The following ATP11B variants were observed in gnomAD, a reference collection of about 807,000 sequenced individuals.
ATP11B encodes the protein phospholipid-transporting ATPase IF.
In ATP11B, 81 loss-of-function variants were observed where a neutral mutation model predicts 157.8. That is an observed-to-expected ratio of 0.51 (90% confidence interval 0.43 to 0.62). The LOEUF (loss-of-function observed/expected upper bound fraction) is 0.62, where lower values mean the gene tolerates loss of function less well. Ranked by LOEUF, ATP11B falls within the 20% of genes least tolerant of loss-of-function variation. ATP11B has a pLI of 0.00. For synonymous variants in ATP11B, 451 were observed against 469.4 expected (o/e 0.96, Z 0.51); for missense variants, 1,165 against 1,402.2 (o/e 0.83, Z 2.70).
intron 1 of ATP11B, among the ~76,000 whole-genome samples, chr3:182,802,141 C>T (rs1397670417): frequency 1.3e-5 from 2 of 152,134 alleles, no homozygotes; most frequent in East Asian, 3.9e-4. Flanking sequence ...AATCGTATCT[C>T]CCTTTTTGTT....
At chr3:182,830,001 A>G (rs1718007876) in intron 4 of ATP11B, 8 of 946,260 alleles carry the variant, frequency 8.5e-6, no homozygotes, top group African/African-American at 5.3e-5. Flanking sequence ...ATCCAAAAAC[A>G]AGTATTGTAT....
Position 182,819,324 on chromosome 3 carries a change from G to T in ATP11B, c.28-936G>T, listed in dbSNP as rs1217569035. Among the ~76,000 whole-genome samples the T allele has an allele frequency of 2.6e-5, 4 of 152,112 alleles. No homozygotes were observed. The East Asian group carries it at 7.7e-4, about 29-fold the overall frequency. The stretch of plus-strand genomic sequence containing the variant: ...CTGAGCTCGTGATCCGCCCGCCTCA[G>T]CCTCCCAAAGTGCTAGGATTACAGG... On this transcript the variant is annotated intron_variant, in intron 1 of 29. Transcript: ENST00000323116.
chr3:182,826,724 A>T (rs1008060480), intron 2 of ATP11B, among the ~76,000 whole-genome samples: 1 of 152,188 alleles, frequency 6.6e-6, no homozygotes, highest in East Asian at 1.9e-4. Context: ...GTTTGTTGCT[A>T]TTGGACTAGT....
At position 182,873,881 on chromosome 3, in the gene ATP11B, T is replaced by G. The variant is rs1423725014; in HGVS notation, c.2118T>G (p.Thr706=). The G allele has an allele frequency of 6.2e-7, 1 of 1,614,148 alleles. No homozygotes were observed. Among genetic ancestry groups the G allele is most frequent in the Admixed American group, 1.7e-5 (1 of 60,026 alleles). ...RMAGIKVWVL[T]GDKHETAVSV... The stretch of plus-strand genomic sequence containing the variant: ...CTGGTATCAAAGTATGGGTACTTAC[T>G]GGGGATAAACATGAAACAGCTGTTA... The change falls in exon 19 of 30, where the codon ACT becomes ACG. Residue 706 remains threonine, a synonymous_variant. Coordinates refer to ENST00000323116, the MANE Select transcript of ATP11B (RefSeq NM_014616.3).
chr3:182,828,845 A>G (rs1560068899), intron 3 of ATP11B, among the ~76,000 whole-genome samples: 1 of 151,960 alleles, frequency 6.6e-6, no homozygotes, highest in Non-Finnish European at 1.5e-5. Flanking sequence ...AGTGATGGCC[A>G]TTTTCCTTTA....
In ATP11B at chr3:182,859,335, C is replaced by G. The variant is rs769394395; in HGVS notation, c.1176C>G (p.Ser392=). ...ATCAGAAAGCTCAAGTCAATACTTCCGATCTGAATGAAGAGCTTGGACAGG... is the reference window on the plus strand; with the variant it reads ...ATCAGAAAGCTCAAGTCAATACTTCGGATCTGAATGAAGAGCTTGGACAGG... ...ESDQKAQVNT[S]DLNEELGQVE... is the part of the protein sequence containing the mutation. The change falls in exon 12 of 30, where the codon TCC becomes TCG. Residue 392 remains serine (S), a synonymous_variant. Coordinates refer to ENST00000323116, the MANE Select transcript of ATP11B (RefSeq NM_014616.3). The G allele has an allele frequency of 1.2e-6, 2 of 1,603,682 alleles. No homozygotes were observed. The highest frequency in any genetic ancestry group is 4.5e-5 in the East Asian group (2 of 44,720).
intron 1 of ATP11B, among the ~76,000 whole-genome samples, chr3:182,800,325 G>C (rs943134021): frequency 6.6e-6 from 1 of 151,112 alleles, no homozygotes; most frequent in African/African-American, 2.4e-5. Context: ...GGGCTCAAAT[G>C]ATCCTCCTGC....
At chr3:182,829,776 A>C (rs1408827809) in intron 4 of ATP11B, 24 bp downstream of exon 4, 2 of 1,534,058 alleles carry the variant, frequency 1.3e-6, no homozygotes, top group African/African-American at 1.4e-5. Flanking sequence ...TCTTTTTTTA[A>C]TTTTCCTCTA....
intron 1 of ATP11B, among the ~76,000 whole-genome samples, chr3:182,798,616 T>C (rs1476053114): frequency 5.3e-5 from 8 of 152,246 alleles, no homozygotes; most frequent in African/African-American, 1.7e-4. Context: ...GTAGGGACCT[T>C]GCTCCAGATC....
chr3:182,822,342 C>T (rs1475827270), intron 2 of ATP11B, among the ~76,000 whole-genome samples: 4 of 152,016 alleles, frequency 2.6e-5, no homozygotes, highest in Admixed American at 2.6e-4. Flanking sequence ...TGTTCTGTTC[C>T]CACCTATGAG....
intron 12 of ATP11B, among the ~76,000 whole-genome samples, chr3:182,861,943 C>A (rs1282414240): frequency 1.3e-3 from 176 of 135,590 alleles, no homozygotes; most frequent in Admixed American, 1.5e-3. Flanking sequence ...GACCCTGTCT[C>A]AAAAAAAAAA....
rs9818514 is a variant in ATP11B at position 182,841,913 on chromosome 3, A to G, written c.657-162A>G. 8.2e-3 allele frequency among the ~76,000 whole-genome samples: 1,181 copies of G among 143,826 alleles called. 16 individuals carry two copies. Among genetic ancestry groups the G allele is most frequent in the African/African-American group, 0.029 (1,132 of 39,070 alleles). 94.4% of individuals were successfully genotyped at this position (143,826 alleles called of 152,430 possible). On this transcript the variant is annotated intron_variant, in intron 7 of 29. Transcript: ENST00000323116. ...AGAATGGCATGAACCCAGGAAGCAG[A>G]GCTTGCAGTGAGCCGAGATCGCACC... is the stretch of plus-strand genomic sequence containing the variant.
At chr3:182,796,878 A>C (rs571070900) in intron 1 of ATP11B, among the ~76,000 whole-genome samples, 2 of 152,388 alleles carry the variant, frequency 1.3e-5, no homozygotes, top group East Asian at 3.9e-4. Flanking sequence ...ACACAAAAAC[A>C]GTATTACTAG....
intron 19 of ATP11B, 78 bp downstream of exon 19, chr3:182,874,093 C>G: frequency 8.2e-7 from 1 of 1,216,038 alleles, no homozygotes; most frequent in Non-Finnish European, 1.1e-6. Flanking sequence ...ATATAGCCCA[C>G]TGTCACTGCC....
chr3:182,867,052 G>A (rs2045253952), intron 14 of ATP11B, among the ~76,000 whole-genome samples: 1 of 151,662 alleles, frequency 6.6e-6, no homozygotes, highest in Admixed American at 6.6e-5. Context: ...AGACACCTGA[G>A]TAGCTGGGAC....
At chr3:182,863,378 C>T (rs942001021) in intron 12 of ATP11B, among the ~76,000 whole-genome samples, 17 of 152,016 alleles carry the variant, frequency 1.1e-4, no homozygotes, top group Non-Finnish European at 1.5e-5. Flanking sequence ...CTCTCTTCCC[C>T]TCCTTTTTTC....
Position 182,867,463 on chromosome 3 carries a change from T to C in ATP11B, c.1688+19T>C, listed in dbSNP as rs748497159. On this transcript the variant is annotated intron_variant, in intron 15 of 29. Transcript: ENST00000323116. ...TGGAACGGTAATTTTTTTTCATATATTGGAATGTTTTCTGTGTTAAGTGTA... is the reference window on the plus strand; with the variant it reads ...TGGAACGGTAATTTTTTTTCATATACTGGAATGTTTTCTGTGTTAAGTGTA... 1 of 1,517,634 alleles carries C rather than the reference T, an allele frequency of 6.6e-7. No individual in the cohort carries two copies. The highest frequency in any genetic ancestry group is 9.1e-7 in the Non-Finnish European group (1 of 1,093,294). 94.0% of individuals were successfully genotyped at this position (1,517,634 alleles called of 1,614,324 possible).
At chr3:182,828,391 C>G (rs982342318) in intron 3 of ATP11B, among the ~76,000 whole-genome samples, 182 bp downstream of exon 3, 5 of 151,892 alleles carry the variant, frequency 3.3e-5, no homozygotes, top group Non-Finnish European at 1.5e-5. Context: ...AAAGAAATAG[C>G]CTGTAAACTT....
chr3:182,878,031 G>C (rs1182778369), intron 19 of ATP11B, among the ~76,000 whole-genome samples: 1 of 152,168 alleles, frequency 6.6e-6, no homozygotes, highest in Non-Finnish European at 1.5e-5. Context: ...GAAGACATTG[G>C]AGGCAGCACA....
Sources: gnomAD v4.1 joint callset for allele counts (sites outside exome capture counted in the v4.1 genomes callset) on GRCh38, gnomAD v4.1.1 for gene constraint, MANE v1.5 for transcripts, NCBI Gene and HGNC (gene_info 2026-07-23, HGNC 2026-07-21) for gene names.